The following NAA60 variants were observed in gnomAD, a reference collection of about 807,000 sequenced individuals.
NAA60 encodes the protein N-alpha-acetyltransferase 60.
In NAA60, 8 loss-of-function variants were observed where a neutral mutation model predicts 26.1. That is an observed-to-expected ratio of 0.31 (90% CI 0.18 to 0.55). The LOEUF is 0.55. Ranked by LOEUF, NAA60 falls within the 20% of genes least tolerant of loss-of-function variation. NAA60 has a pLI of 0.93. For missense variants in NAA60, 290 were observed against 311.3 expected (o/e 0.93, Z 0.51); for synonymous variants, 131 against 122.5 (o/e 1.07, Z -0.46).
intron 2 of NAA60, 102 bp from the exon 3 acceptor site, chr16:3,476,120 C>T (rs1003291529): frequency 1.9e-5 from 16 of 830,206 alleles, no homozygotes; most frequent in East Asian, 2.7e-5. Flanking sequence ...GGTGTCCACC[C>T]GTGGGACATG....
chr16:3,485,811 A>T lies in NAA60; in HGVS notation c.*551A>T. Reference sequence around the variant, plus strand: ...GGTGAGGAGTGGCCCCCACTCCTCCATGAGGGGCTGATGAGGGGTGGGCAG... The same window carrying T: ...GGTGAGGAGTGGCCCCCACTCCTCCTTGAGGGGCTGATGAGGGGTGGGCAG... On this transcript the variant is annotated 3_prime_UTR_variant, in exon 8 of 8. Coordinates refer to ENST00000407558, the MANE Select transcript of NAA60 (RefSeq NM_001083601.3). 2.6e-6 allele frequency: 1 copy of T among 382,696 alleles called. No homozygotes were observed. The highest frequency in any genetic ancestry group is 1.9e-5 in the South Asian group (1 of 52,670). 23.7% of individuals were successfully genotyped at this position (382,696 alleles called of 1,614,324 possible). A position where few individuals can be genotyped will look rare whatever the true frequency, so the allele number is the denominator to read the frequency against.
chr16:3,483,004 C>T (rs1596362065), intron 5 of NAA60: 1 of 469,294 alleles, frequency 2.1e-6, no homozygotes, highest in Non-Finnish European at 3.8e-6. Context: ...CCCCACTCGG[C>T]CACACGGCCA....
chr16:3,447,713 C>G (rs1004455727), intron 1 of NAA60: 52 of 827,116 alleles, frequency 6.3e-5, no homozygotes, highest in Non-Finnish European at 7.3e-5. Context: ...CTGTTGCTAC[C>G]TAGTCTCCAG....
At chr16:3,479,633 TC>T (rs1390694714) in intron 4 of NAA60, 33 bp downstream of exon 4, 2 of 1,610,870 alleles carry the variant, frequency 1.2e-6, no homozygotes, top group Admixed American at 3.3e-5. Context: ...GACTTGGCAG[TC>T]ACTGTCATTG....
At chr16:3,459,889 C>T (rs2035265928) in intron 2 of NAA60, among the ~76,000 whole-genome samples, 1 of 152,122 alleles carries the variant, frequency 6.6e-6, no homozygotes, top group Non-Finnish European at 1.5e-5. Flanking sequence ...ATCTGGGTTG[C>T]TTAGCAACAG....
intron 2 of NAA60, among the ~76,000 whole-genome samples, chr16:3,461,081 G>A (rs1161850812): frequency 6.6e-6 from 1 of 152,042 alleles, no homozygotes; most frequent in Non-Finnish European, 1.5e-5. Context: ...ATTCTTTTTA[G>A]CATGACCTCT....
intron 2 of NAA60, among the ~76,000 whole-genome samples, chr16:3,471,930 C>T (rs1451788156): frequency 2.0e-5 from 3 of 152,092 alleles, no homozygotes; most frequent in African/African-American, 4.8e-5. Context: ...CTGCCTTGTC[C>T]GTCGATGTTG....
At chr16:3,467,466 T>G (rs1362882043) in intron 2 of NAA60, among the ~76,000 whole-genome samples, 1 of 152,040 alleles carries the variant, frequency 6.6e-6, no homozygotes, top group Non-Finnish European at 1.5e-5. Flanking sequence ...CAGCATGACT[T>G]GTTGGTCTTG....
At chr16:3,447,596 T>C (rs1487365412) in intron 1 of NAA60, 2 of 985,326 alleles carry the variant, frequency 2.0e-6, no homozygotes, top group Non-Finnish European at 2.4e-6. Context: ...CACAGAGCCT[T>C]CTCACCTACA....
chr16:3,484,974 T>C lies in NAA60; in HGVS notation c.*119T>C. 6.5e-7 allele frequency: 1 copy of C among 1,529,626 alleles called. No homozygotes were observed. Among genetic ancestry groups the C allele is most frequent in the Non-Finnish European group, 8.8e-7 (1 of 1,140,346 alleles). 94.8% of individuals were successfully genotyped at this position (1,529,626 alleles called of 1,614,324 possible). On this transcript the variant is annotated 3_prime_UTR_variant, in exon 7 of 8. Transcript: ENST00000407558. ...GCTGCCAGCCATCTAACTGGGCTCG[T>C]CGGCCTGCCCCAGCTGCAGGCCCGG...
chr16:3,485,107 C>T (rs911297749), intron 7 of NAA60, 46 bp downstream of exon 7: 1 of 1,200,644 alleles, frequency 8.3e-7, no homozygotes, highest in African/African-American at 1.5e-5. Context: ...GTGCCTCCAG[C>T]CACAAAAGTG....
chr16:3,476,734 G>C (rs1276830567), intron 3 of NAA60, among the ~76,000 whole-genome samples: 1 of 152,146 alleles, frequency 6.6e-6, no homozygotes, highest in Non-Finnish European at 1.5e-5. Flanking sequence ...CTGTCAAAGA[G>C]TTATATTTTT....
At chr16:3,480,657 C>T (rs987879454) in intron 4 of NAA60, among the ~76,000 whole-genome samples, 10 of 151,482 alleles carry the variant, frequency 6.6e-5, no homozygotes, top group Non-Finnish European at 1.5e-4. Context: ...GTGGCTCACA[C>T]CTATAACCCC....
intron 2 of NAA60, among the ~76,000 whole-genome samples, chr16:3,449,559 A>G (rs2034690915): frequency 6.6e-6 from 1 of 151,882 alleles, no homozygotes; most frequent in Non-Finnish European, 1.5e-5. Context: ...GTGGCGCCCA[A>G]CTGTAGTCCC....
intron 2 of NAA60, among the ~76,000 whole-genome samples, chr16:3,449,275 T>C (rs1424405102): frequency 6.6e-6 from 1 of 152,086 alleles, no homozygotes. Flanking sequence ...TCCCAGCACT[T>C]TGGGAGGCCA....
chr16:3,447,134 C>T (rs2150942154), intron 1 of NAA60, among the ~76,000 whole-genome samples: 1 of 152,350 alleles, frequency 6.6e-6, no homozygotes, highest in East Asian at 1.9e-4. Flanking sequence ...AGCCCCTGCC[C>T]CCGGCCCCTA....
chr16:3,470,117 G>C (rs1429843933), intron 2 of NAA60, among the ~76,000 whole-genome samples: 1 of 152,232 alleles, frequency 6.6e-6, no homozygotes, highest in Non-Finnish European at 1.5e-5. Flanking sequence ...CTTTGCCCCT[G>C]CCATGCCTTG....
intron 3 of NAA60, 76 bp from the exon 4 acceptor site, chr16:3,479,395 G>A (rs1276643474): frequency 2.0e-6 from 3 of 1,530,304 alleles, no homozygotes; most frequent in Non-Finnish European, 2.7e-6. Context: ...AGCTCCCTGT[G>A]GTTCTGATGT....
intron 2 of NAA60, among the ~76,000 whole-genome samples, chr16:3,462,289 G>A (rs931495359): frequency 6.6e-6 from 1 of 151,938 alleles, no homozygotes; most frequent in African/African-American, 2.4e-5. Context: ...ATAGTAGTTG[G>A]GTAATTCTCC....
Sources: allele counts gnomAD v4.1 joint callset (sites outside exome capture counted in the v4.1 genomes callset), GRCh38; gene constraint gnomAD v4.1.1; transcripts MANE v1.5; gene names NCBI Gene and HGNC (gene_info 2026-07-23, HGNC 2026-07-21).